TOM1L1: variants seen among roughly 807,000 people sequenced by gnomAD.
The protein encoded by TOM1L1 is target of myb1 like 1 membrane trafficking protein.
A neutral mutation model predicts 63.4 loss-of-function variants in TOM1L1; 64 were observed. The observed-to-expected ratio is 1.01, with a 90% CI of 0.83 to 1.24. The LOEUF is 1.24. TOM1L1 is among the 50% of genes most tolerant of loss of function. The pLI, the probability that TOM1L1 is intolerant of heterozygous loss-of-function variation, is 0.00. For synonymous variants in TOM1L1, 166 were observed against 194.4 expected (o/e 0.85, Z 1.22); for missense variants, 536 against 567.0 (o/e 0.95, Z 0.55).
At chr17:54,914,519 C>T (rs2143780100) in intron 5 of TOM1L1, 120 bp from the exon 6 acceptor site, 1 of 721,584 alleles carries the variant, frequency 1.4e-6, no homozygotes, top group Non-Finnish European at 2.4e-6. Context: ...ATGATTTACT[C>T]TGGGCAGATA....
Position 54,961,848 on chromosome 17 carries a change from CT to C in TOM1L1, c.*622del. On this transcript the variant is annotated 3_prime_UTR_variant, in exon 16 of 16. Coordinates refer to ENST00000575882, the MANE Select transcript of TOM1L1 (RefSeq NM_005486.3). ...ATGATTCTTTGTAATGCTAAATAGCCTTTTTTTCTCTTTTTACTGCAACTTA... is the reference window on the plus strand; with the variant it reads ...ATGATTCTTTGTAATGCTAAATAGCCTTTTTTCTCTTTTTACTGCAACTTA... 1.0e-6 allele frequency: 1 copy of C among 966,336 alleles called. No individual in the cohort carries two copies. Among genetic ancestry groups the C allele is most frequent in the Non-Finnish European group, 1.2e-6 (1 of 812,562 alleles). 59.9% of individuals were successfully genotyped at this position (966,336 alleles called of 1,614,324 possible). A position where few individuals can be genotyped will look rare whatever the true frequency, so the allele number is the denominator to read the frequency against.
Position 54,912,791 on chromosome 17 carries a change from G to A in TOM1L1, c.348G>A (p.Gln116=), listed in dbSNP as rs1479660354. 6.2e-7 allele frequency: 1 copy of A among 1,606,202 alleles called. No individual in the cohort carries two copies. The change falls in exon 4 of 16, where the codon CAG becomes CAA. Residue 116 remains glutamine, a synonymous_variant. Transcript: ENST00000575882. ...NPRYNLPLDI[Q]NRILNFIKTW... ...GATACAACTTGCCATTAGACATTCA[G>A]AATAGAATCTTGAATTTCATTAAGG...
chr17:54,948,194 A>T (rs1160140597), intron 12 of TOM1L1, among the ~76,000 whole-genome samples: 1 of 152,168 alleles, frequency 6.6e-6, no homozygotes, highest in Non-Finnish European at 1.5e-5. Context: ...GTGGCCTCTA[A>T]GGGAAGCCCT....
chr17:54,928,251 TTACTACCG>T (rs2048800002), intron 7 of TOM1L1, among the ~76,000 whole-genome samples: 1 of 152,144 alleles, frequency 6.6e-6, no homozygotes, highest in African/African-American at 2.4e-5. Context: ...ATTCGTTTAT[TTACTACCG>T]ACTACCTCTG....
intron 1 of TOM1L1, among the ~76,000 whole-genome samples, chr17:54,902,813 C>T (rs778935199): frequency 1.7e-4 from 26 of 152,246 alleles, no homozygotes; most frequent in Middle Eastern, 3.4e-3. Context: ...ATTCTTAAAG[C>T]GGCTGTCTGG....
intron 11 of TOM1L1, chr17:54,942,164 T>G (rs2049041515): frequency 2.0e-5 from 3 of 152,132 alleles, no homozygotes; most frequent in African/African-American, 7.2e-5. Flanking sequence ...TAGTTCGATT[T>G]TGGCCAACTG....
intron 11 of TOM1L1, among the ~76,000 whole-genome samples, chr17:54,941,113 G>T (rs1478554062): frequency 6.6e-6 from 1 of 151,996 alleles, no homozygotes; most frequent in African/African-American, 2.4e-5. Flanking sequence ...AGGCAAATAG[G>T]AATATGAATT....
At chr17:54,906,351 C>T (rs2048409292) in intron 3 of TOM1L1, among the ~76,000 whole-genome samples, 1 of 151,990 alleles carries the variant, frequency 6.6e-6, no homozygotes, top group South Asian at 2.1e-4. Flanking sequence ...TGCCTGTAGT[C>T]CCAGCTACTT....
chr17:54,942,360 C>T (rs929592504), intron 11 of TOM1L1: 3 of 151,988 alleles, frequency 2.0e-5, no homozygotes, highest in African/African-American at 7.3e-5. Flanking sequence ...CTGCCCACCT[C>T]GGCTTCCTGA....
At chr17:54,940,477 G>T (rs913129327) in intron 11 of TOM1L1, among the ~76,000 whole-genome samples, 2 of 152,136 alleles carry the variant, frequency 1.3e-5, no homozygotes, top group African/African-American at 4.8e-5. Flanking sequence ...AATCTTATCT[G>T]TAGAAATTTA....
intron 15 of TOM1L1, 155 bp from the exon 16 acceptor site, chr17:54,961,080 C>A: frequency 1.6e-6 from 1 of 635,520 alleles, no homozygotes; most frequent in South Asian, 1.9e-5. Flanking sequence ...CTTATTTATT[C>A]CCCTTATACC....
At chr17:54,925,493 G>C (rs1213674735) in intron 7 of TOM1L1, among the ~76,000 whole-genome samples, 1 of 152,212 alleles carries the variant, frequency 6.6e-6, no homozygotes, top group African/African-American at 2.4e-5. Flanking sequence ...CAGTGGATCT[G>C]GAGGGCCAAG....
chr17:54,906,710 A>T, intron 3 of TOM1L1: 3 of 955,406 alleles, frequency 3.1e-6, no homozygotes, highest in Non-Finnish European at 3.7e-6. Flanking sequence ...ATTGTCTGTG[A>T]TTTAAGTGTG....
intron 2 of TOM1L1, among the ~76,000 whole-genome samples, chr17:54,904,709 G>T (rs893127773): frequency 6.6e-6 from 1 of 152,232 alleles, no homozygotes; most frequent in African/African-American, 2.4e-5. Context: ...AGAGCAAACT[G>T]GTTTGCTTGT....
chr17:54,913,539 G>A (rs953966148), intron 4 of TOM1L1, among the ~76,000 whole-genome samples: 5 of 151,924 alleles, frequency 3.3e-5, no homozygotes, highest in African/African-American at 9.7e-5. Context: ...GGTGGCGGGC[G>A]CCTGTAATCC....
rs372776781 is a variant in TOM1L1, at chr17:54,958,748, A to AAAAAAAAAAAGG, written c.1371-1818_1371-1817insAAAAAAAAAAGG. Among the ~76,000 whole-genome samples, 232 of 118,950 alleles carry AAAAAAAAAAAGG rather than the reference A, an allele frequency of 2.0e-3. 2 individuals carry two copies. The highest frequency in any genetic ancestry group is 3.2e-3 in the Non-Finnish European group (182 of 57,754). The allele number at this position is 118,950 out of a possible 152,430, so 78.0% of individuals were successfully genotyped here. ...TCCATCTCAAAAAAAAAAAAAAAAAAGGGGTTGTTGGTAGCTAGAGGATAC... is the reference window on the plus strand; with the variant it reads ...TCCATCTCAAAAAAAAAAAAAAAAAAAAAAAAAAAAGGGGGGTTGTTGGTAGCTAGAGGATAC... On this transcript the variant is annotated intron_variant, in intron 14 of 15. Transcript: ENST00000575882.
chr17:54,961,908 T>G lies in TOM1L1; in HGVS notation c.*675T>G, dbSNP rs1248831760. 1.1e-6 allele frequency: 1 copy of G among 905,036 alleles called. No individual in the cohort carries two copies. The highest frequency in any genetic ancestry group is 1.3e-6 in the Non-Finnish European group (1 of 756,474). The allele number at this position is 905,036 out of a possible 1,614,324, so 56.1% of individuals were successfully genotyped here. On this transcript the variant is annotated 3_prime_UTR_variant, in exon 16 of 16. Coordinates refer to ENST00000575882, the MANE Select transcript of TOM1L1 (RefSeq NM_005486.3). ...ATTTAGAACACAGAAAATGAAAATA[T>G]TTAGAATAAGTTGTACATTTGATGA...
At chr17:54,912,867 T>C (rs769201108) in intron 4 of TOM1L1, 52 bp downstream of exon 4, 5 of 1,412,856 alleles carry the variant, frequency 3.5e-6, no homozygotes, top group Non-Finnish European at 4.7e-6. Flanking sequence ...ATTAGGGATT[T>C]AATAGCTTAC....
chr17:54,931,959 TGTTTG>T lies in TOM1L1; in HGVS notation c.854+1754_854+1758del, dbSNP rs771801029. Among the ~76,000 whole-genome samples the T allele has an allele frequency of 3.2e-4, 18 of 56,104 alleles. No homozygotes were observed. In the South Asian group the frequency reaches 6.1e-3, roughly 19 times the overall value. The allele number at this position is 56,104 out of a possible 152,430, so 36.8% of individuals were successfully genotyped here. A position where few individuals can be genotyped will look rare whatever the true frequency, so the allele number is the denominator to read the frequency against. On this transcript the variant is annotated intron_variant, in intron 8 of 15. Transcript: ENST00000575882. ...TTTTCTTTTTTCTTCGTTTTTTTTT[TGTTTG>T]TTTGTTTGTTTGTTTTTTTGAGATG...
Sources: allele counts gnomAD v4.1 joint callset (sites outside exome capture counted in the v4.1 genomes callset), GRCh38; gene constraint gnomAD v4.1.1; transcripts MANE v1.5; gene names NCBI Gene and HGNC (gene_info 2026-07-23, HGNC 2026-07-21).